The following HEATR3 variants were observed in gnomAD, a reference collection of about 807,000 sequenced individuals.
HEATR3 encodes the protein HEAT repeat-containing protein 3.
Under a neutral mutation model 72.8 loss-of-function variants are expected in HEATR3, and 56 were observed. That is an observed-to-expected ratio of 0.77 (90% CI 0.62 to 0.96). HEATR3 has a LOEUF of 0.96. Ranked by LOEUF, HEATR3 falls within the 40% of genes least tolerant of loss-of-function variation. The probability of loss-of-function intolerance (pLI) is 0.00; values close to 1 mark genes in which losing one functional copy is unlikely to be tolerated. For synonymous variants in HEATR3, 331 were observed against 318.1 expected (o/e 1.04, Z -0.43); for missense variants, 747 against 831.4 (o/e 0.90, Z 1.25).
intron 4 of HEATR3, among the ~76,000 whole-genome samples, 193 bp from the exon 5 acceptor site, chr16:50,072,412 A>G (rs1047376801): frequency 3.3e-5 from 5 of 152,230 alleles, no homozygotes; most frequent in African/African-American, 1.2e-4. Context: ...TGATAGAAAT[A>G]AAATATAGAT....
At chr16:50,066,610 G>A in intron 2 of HEATR3, 71 bp downstream of exon 2, 5 of 1,232,892 alleles carry the variant, frequency 4.1e-6, no homozygotes, top group African/African-American at 1.6e-5. Context: ...GGCGGTCGCA[G>A]CGGTCACCCA....
Position 50,100,021 on chromosome 16 carries a change from G to T in HEATR3, c.1600-209G>T, listed in dbSNP as rs74787975. On this transcript the variant is annotated intron_variant, in intron 12 of 14. Coordinates refer to ENST00000299192, the MANE Select transcript of HEATR3 (RefSeq NM_182922.4). ...CCCTTTGATATTAGATAACAGTGCC[G>T]ACATGAGCAGGGTTCACCTTAGTTC... Among the ~76,000 whole-genome samples the T allele has an allele frequency of 3.8e-3, 573 of 152,200 alleles. 10 individuals carry two copies. Among genetic ancestry groups the T allele is most frequent in the East Asian group, 0.027 (140 of 5,178 alleles).
At chr16:50,076,521 T>G (rs2036731842) in intron 6 of HEATR3, among the ~76,000 whole-genome samples, 2 of 151,960 alleles carry the variant, frequency 1.3e-5, no homozygotes, top group Non-Finnish European at 2.9e-5. Flanking sequence ...AAAATACACA[T>G]GAAATTTACC....
At chr16:50,087,444 A>G (rs962306314) in intron 11 of HEATR3, among the ~76,000 whole-genome samples, 11 of 152,252 alleles carry the variant, frequency 7.2e-5, no homozygotes, top group African/African-American at 1.2e-4. Context: ...ACAAAGTCCA[A>G]TGCATGTTCT....
At chr16:50,067,369 G>T (rs1180319160) in intron 2 of HEATR3, among the ~76,000 whole-genome samples, 1 of 151,528 alleles carries the variant, frequency 6.6e-6, no homozygotes, top group South Asian at 2.1e-4. Context: ...AAAAAAAAAG[G>T]TGCTCTTTAG....
intron 1 of HEATR3, 44 bp from the exon 2 acceptor site, chr16:50,066,323 G>C (rs969630838): frequency 6.4e-7 from 1 of 1,564,556 alleles, no homozygotes; most frequent in Non-Finnish European, 8.6e-7. Context: ...CCCCGCGCGC[G>C]TGCGCATTGC....
chr16:50,092,468 G>A (rs2037139078), intron 11 of HEATR3, among the ~76,000 whole-genome samples: 1 of 128,738 alleles, frequency 7.8e-6, no homozygotes, highest in East Asian at 2.2e-4. Flanking sequence ...GACGAGTCTG[G>A]CTCTGTCGCC....
rs1427386194 is a variant in HEATR3 at position 50,080,436 on chromosome 16, G to C, written c.1041+1418G>C. 2.6e-5 allele frequency among the ~76,000 whole-genome samples: 4 copies of C among 151,418 alleles called. No individual in the cohort carries two copies. In the South Asian group the frequency reaches 6.3e-4, roughly 24 times the overall value. ...GCTCACTGCAACCTCCTCCTCCCAG[G>C]TTCGAGCAATTCTCCTGCCTTAGCC... On this transcript the variant is annotated intron_variant, in intron 7 of 14. Coordinates refer to ENST00000299192, the MANE Select transcript of HEATR3 (RefSeq NM_182922.4).
chr16:50,076,990 C>G (rs982098415), intron 6 of HEATR3, among the ~76,000 whole-genome samples: 2 of 151,670 alleles, frequency 1.3e-5, no homozygotes, highest in Non-Finnish European at 2.9e-5. Flanking sequence ...GCCTCAGCCT[C>G]CCGAGTAGCT....
Position 50,066,364 on chromosome 16 carries a change from C to T in HEATR3, c.139-3C>T. ...TTCTGACCCTTTTCGCTCTCATCCG[C>T]AGCTCCAGCACCCGAGCGCCGAGGT... On this transcript the variant is annotated splice_polypyrimidine_tract_variant and splice_region_variant and intron_variant, in intron 1 of 14. Coordinates refer to ENST00000299192, the MANE Select transcript of HEATR3 (RefSeq NM_182922.4). 2 of 1,552,516 alleles carry T rather than the reference C, an allele frequency of 1.3e-6. No individual in the cohort carries two copies. The highest frequency in any genetic ancestry group is 1.7e-6 in the Non-Finnish European group (2 of 1,160,158).
intron 10 of HEATR3, among the ~76,000 whole-genome samples, 195 bp downstream of exon 10, chr16:50,084,846 GC>G (rs1399520912): frequency 6.6e-6 from 1 of 152,130 alleles, no homozygotes; most frequent in African/African-American, 2.4e-5. Flanking sequence ...TGTCACAGTT[GC>G]CCCAACCCAT....
Position 50,066,480 on chromosome 16 carries a change from C to A in HEATR3, c.252C>A (p.Leu84=), listed in dbSNP as rs1003832168. 1.1e-5 allele frequency: 15 copies of A among 1,347,634 alleles called. 1 individual carries two copies. Among genetic ancestry groups the A allele is most frequent in the South Asian group, 1.9e-5 (1 of 53,024 alleles). The allele number at this position is 1,347,634 out of a possible 1,614,324, so 83.5% of individuals were successfully genotyped here. A position where few individuals can be genotyped will look rare whatever the true frequency, so the allele number is the denominator to read the frequency against. The change falls in exon 2 of 15, where the codon CTC becomes CTA. Residue 84 remains leucine, a synonymous_variant. Coordinates refer to ENST00000299192, the MANE Select transcript of HEATR3 (RefSeq NM_182922.4). ...GLARRDAVRR[L]GPLLLDPSLA... is the part of the protein sequence containing the mutation. ...CGCGACGAGACGCCGTGCGCCGCCTCGGGCCGCTGCTGCTAGACCCCAGCC... is the reference window on the plus strand; with the variant it reads ...CGCGACGAGACGCCGTGCGCCGCCTAGGGCCGCTGCTGCTAGACCCCAGCC...
At chr16:50,084,492 T>A in intron 9 of HEATR3, 77 bp from the exon 10 acceptor site, 1 of 1,174,314 alleles carries the variant, frequency 8.5e-7, no homozygotes, top group Non-Finnish European at 1.3e-6. Context: ...TTAGGAGTAA[T>A]ATGTTGGAAT....
At chr16:50,100,097 TAC>T (rs750381874) in intron 12 of HEATR3, 131 bp from the exon 13 acceptor site, 2 of 772,188 alleles carry the variant, frequency 2.6e-6, no homozygotes, top group Middle Eastern at 3.6e-4. Flanking sequence ...AATAGTAACT[TAC>T]CTGCCAGGAG....
At chr16:50,082,968 C>G (rs932275739) in intron 7 of HEATR3, among the ~76,000 whole-genome samples, 1 of 151,944 alleles carries the variant, frequency 6.6e-6, no homozygotes, top group African/African-American at 2.4e-5. Flanking sequence ...GACCTTGTCT[C>G]TACAAAAATT....
chr16:50,092,206 C>T (rs2037128496), intron 11 of HEATR3, among the ~76,000 whole-genome samples: 2 of 149,298 alleles, frequency 1.3e-5, no homozygotes, highest in Non-Finnish European at 3.0e-5. Context: ...CGTGGTGGCA[C>T]GTGCCTGTGG....
intron 9 of HEATR3, 134 bp from the exon 10 acceptor site, chr16:50,084,435 T>C: frequency 8.4e-7 from 1 of 1,186,816 alleles, no homozygotes; most frequent in East Asian, 2.4e-5. Flanking sequence ...CTAACAGTAC[T>C]GGAAATAGGC....
intron 14 of HEATR3, among the ~76,000 whole-genome samples, chr16:50,103,797 G>C (rs963015137): frequency 6.6e-6 from 1 of 152,160 alleles, no homozygotes; most frequent in African/African-American, 2.4e-5. Context: ...AGCCCCAGGT[G>C]GGAGGATCAC....
chr16:50,077,877 A>ATTTTTTTTTTTTTTTTT (rs56374170), intron 6 of HEATR3, among the ~76,000 whole-genome samples: 3 of 104,342 alleles, frequency 2.9e-5, no homozygotes, highest in African/African-American at 3.8e-5. Context: ...AATGGATGTA[A>ATTTTTTTTTTTTTTTTT]TTTTTTTTTT....
Sources: allele counts gnomAD v4.1 joint callset (sites outside exome capture counted in the v4.1 genomes callset), GRCh38; gene constraint gnomAD v4.1.1; transcripts MANE v1.5; gene names NCBI Gene and HGNC (gene_info 2026-07-23, HGNC 2026-07-21).